GOLPH3: variants seen among roughly 807,000 people sequenced by gnomAD.
GOLPH3 encodes golgi phosphoprotein 3.
In GOLPH3, 14 loss-of-function variants were observed where a neutral mutation model predicts 28.5. That is an observed-to-expected ratio of 0.49 (90% CI 0.32 to 0.77). The LOEUF is 0.77. Among genes scored for constraint, GOLPH3 ranks in the 30% least tolerant of loss-of-function variants. GOLPH3 has a pLI of 0.03. For missense variants in GOLPH3, 350 were observed against 393.7 expected (o/e 0.89, Z 0.94); for synonymous variants, 158 against 159.2 (o/e 0.99, Z 0.06).
chr5:32,146,616 TAAG>T (rs1040491930), intron 1 of GOLPH3, among the ~76,000 whole-genome samples: 1 of 152,168 alleles, frequency 6.6e-6, no homozygotes, highest in African/African-American at 2.4e-5. Context: ...AGCTTTTTGT[TAAG>T]AAGGAACTCA....
Position 32,143,737 on chromosome 5 carries a change from C to T in GOLPH3, c.357+12G>A, listed in dbSNP as rs1346339914. ...CCTCTTTAAAAAGAATGTTACTCAG[C>T]ACTCCTCTTACCTTTCTTGTTAATA... On this transcript the variant is annotated intron_variant, in intron 2 of 3. Coordinates refer to ENST00000265070, the MANE Select transcript of GOLPH3 (RefSeq NM_022130.4). 1 of 1,601,582 alleles carries T rather than the reference C, an allele frequency of 6.2e-7. No individual in the cohort carries two copies. The highest frequency in any genetic ancestry group is 8.5e-7 in the Non-Finnish European group (1 of 1,175,644).
chr5:32,162,799 C>A (rs1276202942), intron 1 of GOLPH3, among the ~76,000 whole-genome samples: 3 of 152,198 alleles, frequency 2.0e-5, no homozygotes, highest in African/African-American at 7.2e-5. Context: ...AGGCCCATGG[C>A]CGGGCGCGGT....
chr5:32,165,563 A>G (rs1746692713), intron 1 of GOLPH3, among the ~76,000 whole-genome samples: 2 of 152,184 alleles, frequency 1.3e-5, no homozygotes, highest in Admixed American at 1.3e-4. Context: ...AGCCTGGGTA[A>G]CAGAGCAAGA....
rs368833244 is a variant in GOLPH3, at chr5:32,124,806, G to A, written c.*1406C>T. The A allele has an allele frequency of 5.2e-5, 8 of 152,558 alleles. No homozygotes were observed. The East Asian group carries it at 1.5e-3, about 29-fold the overall frequency. 9.5% of individuals were successfully genotyped at this position (152,558 alleles called of 1,614,324 possible). On this transcript the variant is annotated 3_prime_UTR_variant, in exon 4 of 4. Transcript: ENST00000265070. ...GAATCCCTTAAAATTCAACTCTAGA[G>A]TTATACACCATCTAGTACTTTTGCA...
intron 1 of GOLPH3, among the ~76,000 whole-genome samples, chr5:32,152,315 T>C (rs1746325238): frequency 6.6e-6 from 1 of 151,096 alleles, no homozygotes; most frequent in Non-Finnish European, 1.5e-5. Context: ...TTAGTACAGA[T>C]GGGGTTTCAC....
intron 3 of GOLPH3, among the ~76,000 whole-genome samples, chr5:32,129,847 CTTT>C (rs551296288): frequency 6.9e-6 from 1 of 145,952 alleles, no homozygotes; most frequent in Admixed American, 6.9e-5. Context: ...AACTTCCACC[CTTT>C]TTTTTTTTTG....
At chr5:32,157,933 C>G (rs1360581062) in intron 1 of GOLPH3, among the ~76,000 whole-genome samples, 1 of 151,014 alleles carries the variant, frequency 6.6e-6, no homozygotes, top group East Asian at 1.9e-4. Flanking sequence ...GCCGAGATCA[C>G]GCCATTGTAC....
At chr5:32,170,256 T>C (rs1411701176) in intron 1 of GOLPH3, among the ~76,000 whole-genome samples, 1 of 152,194 alleles carries the variant, frequency 6.6e-6, no homozygotes, top group African/African-American at 2.4e-5. Flanking sequence ...TGCTGAATTC[T>C]AATATTAAGC....
intron 1 of GOLPH3, among the ~76,000 whole-genome samples, chr5:32,166,371 A>T (rs1746709229): frequency 6.6e-6 from 1 of 152,222 alleles, no homozygotes; most frequent in African/African-American, 2.4e-5. Flanking sequence ...AAAACCTCAA[A>T]ATGTACTAGA....
At chr5:32,131,717 G>C (rs1379641047) in intron 3 of GOLPH3, among the ~76,000 whole-genome samples, 2 of 152,162 alleles carry the variant, frequency 1.3e-5, no homozygotes, top group Non-Finnish European at 2.9e-5. Context: ...AATACGGAGA[G>C]GAAAAGTTCT....
chr5:32,132,663 C>T (rs890110254), intron 3 of GOLPH3, among the ~76,000 whole-genome samples: 2 of 152,112 alleles, frequency 1.3e-5, no homozygotes, highest in African/African-American at 4.8e-5. Flanking sequence ...TTTGATACCA[C>T]ATATTATATT....
intron 1 of GOLPH3, among the ~76,000 whole-genome samples, chr5:32,144,724 G>A (rs1231327034): frequency 6.6e-6 from 1 of 152,180 alleles, no homozygotes; most frequent in Non-Finnish European, 1.5e-5. Flanking sequence ...AAGAGAGAAT[G>A]TAAGGGCAGC....
At chr5:32,172,216 T>C (rs1467391433) in intron 1 of GOLPH3, among the ~76,000 whole-genome samples, 1 of 152,146 alleles carries the variant, frequency 6.6e-6, no homozygotes, top group African/African-American at 2.4e-5. Flanking sequence ...AACCAAGATA[T>C]GGCAAATGCC....
At chr5:32,143,220 G>T (rs1287861138) in intron 2 of GOLPH3, among the ~76,000 whole-genome samples, 2 of 152,064 alleles carry the variant, frequency 1.3e-5, no homozygotes, top group Non-Finnish European at 2.9e-5. Context: ...GGCGGTGCAA[G>T]ATGTGCTTTG....
intron 2 of GOLPH3, among the ~76,000 whole-genome samples, chr5:32,140,516 G>A (rs1398069982): frequency 3.3e-5 from 5 of 151,860 alleles, no homozygotes; most frequent in South Asian, 2.1e-4. Flanking sequence ...AAAATTAGCC[G>A]GGTGTGGTGG....
chr5:32,147,071 A>G (rs113133519), intron 1 of GOLPH3, among the ~76,000 whole-genome samples: 1,531 of 152,270 alleles, frequency 0.01, 27 homozygotes, highest in African/African-American at 0.035. Context: ...ATACGTATGT[A>G]TATCATAGGT....
Position 32,126,485 on chromosome 5 carries a change from G to A in GOLPH3, c.624C>T (p.Asn208=), listed in dbSNP as rs138007944. The change falls in exon 4 of 4, where the codon AAC becomes AAT. Residue 208 remains asparagine, a synonymous_variant. Coordinates refer to ENST00000265070, the MANE Select transcript of GOLPH3 (RefSeq NM_022130.4). ...CTTTCTTGATGAGGCGCTGCTTAATGTTGTTATTGGTGAGGGGATGTGTTG... is the reference window on the plus strand; with the variant it reads ...CTTTCTTGATGAGGCGCTGCTTAATATTGTTATTGGTGAGGGGATGTGTTG... The part of the protein sequence containing the change: ...DMTTHPLTNN[N]IKQRLIKKVQ... 30 of 1,614,050 alleles carry A rather than the reference G, an allele frequency of 1.9e-5. No homozygotes were observed. The African/African-American group carries it at 3.7e-4, about 20-fold the overall frequency.
intron 1 of GOLPH3, among the ~76,000 whole-genome samples, chr5:32,149,785 T>A (rs927111720): frequency 3.3e-5 from 5 of 152,052 alleles, no homozygotes; most frequent in Admixed American, 2.0e-4. Flanking sequence ...TCACCTGAGG[T>A]CACGAGTTCA....
Position 32,160,953 on chromosome 5 carries a change from G to T in GOLPH3, c.225+12857C>A, listed in dbSNP as rs113431215. 7.2e-3 allele frequency among the ~76,000 whole-genome samples: 1,093 copies of T among 151,388 alleles called. 19 individuals carry two copies. Among genetic ancestry groups the T allele is most frequent in the African/African-American group, 0.024 (1,007 of 41,172 alleles). ...GTGGTGGCGGGTGCCTGTAGTCCCA[G>T]CTACTCGGGAGGCTGAGGCAGGAGA... On this transcript the variant is annotated intron_variant, in intron 1 of 3. Coordinates refer to ENST00000265070, the MANE Select transcript of GOLPH3 (RefSeq NM_022130.4).
Sources: allele counts gnomAD v4.1 joint callset (sites outside exome capture counted in the v4.1 genomes callset), GRCh38; gene constraint gnomAD v4.1.1; transcripts MANE v1.5; gene names NCBI Gene and HGNC (gene_info 2026-07-23, HGNC 2026-07-21).